ZNF577: variants seen among roughly 807,000 people sequenced by gnomAD.
The protein encoded by ZNF577 is zinc finger protein 577.
ZNF577 carries 14 observed loss-of-function variants against 13.9 expected under a neutral mutation model. That is an observed-to-expected ratio of 1.00 (90% CI 0.66 to 1.57). The LOEUF (loss-of-function observed/expected upper bound fraction) is 1.57, where lower values mean the gene tolerates loss of function less well. Among genes scored for constraint, ZNF577 ranks in the 40% most tolerant of loss-of-function variants. The probability of loss-of-function intolerance (pLI) is 0.00; values close to 1 mark genes in which losing one functional copy is unlikely to be tolerated. For synonymous variants in ZNF577, 203 were observed against 202.9 expected (o/e 1.00, Z 0.00); for missense variants, 555 against 579.2 (o/e 0.96, Z 0.43).
At chr19:51,861,909 TTC>T (rs1213177242) in intron 5 of ZNF577, 1 of 152,278 alleles carries the variant, frequency 6.6e-6, no homozygotes, top group Non-Finnish European at 1.5e-5. Flanking sequence ...CCTGTATAGG[TTC>T]TCTGTTATAT....
Position 51,824,997 on chromosome 19 carries a change from C to A in ZNF577, c.*600-13323G>T. On this transcript the variant is annotated intron_variant and NMD_transcript_variant, in intron 9 of 10. Transcript: ENST00000638827. The surrounding 1 kb of genome is among the most constrained non-coding windows in gnomAD (Gnocchi z 4.7). ...CAATAGACACCAGCTGGGTGTCCTA[C>A]AATTAAATTCCAACACTATCTACCT... 1 of 587,404 alleles carries A rather than the reference C, an allele frequency of 1.7e-6. No individual in the cohort carries two copies. The highest frequency in any genetic ancestry group is 3.1e-6 in the Non-Finnish European group (1 of 324,770). 36.4% of individuals were successfully genotyped at this position (587,404 alleles called of 1,614,324 possible).
At position 51,835,700 on chromosome 19, in the gene ZNF577, T is replaced by C. The variant is rs560373482; in HGVS notation, c.*599+4193A>G. 3.3e-5 allele frequency among the ~76,000 whole-genome samples: 5 copies of C among 152,218 alleles called. No individual in the cohort carries two copies. In the East Asian group the frequency reaches 5.8e-4, roughly 18 times the overall value. On this transcript the variant is annotated intron_variant and NMD_transcript_variant, in intron 9 of 10. Transcript: ENST00000638827. ...CATGGCCAGACATAACTGAAATCAG[T>C]ATCTTTTTTTTTGAGACAGTCTTGC...
At chr19:51,823,998 TCA>T (rs2084211171) in intron 9 of ZNF577, 2 of 1,614,032 alleles carry the variant, frequency 1.2e-6, no homozygotes, top group African/African-American at 1.3e-5. Context: ...CCGAATGGTC[TCA>T]GTCGCCATGA....
rs150301895 is a variant in ZNF577 at position 51,877,353 on chromosome 19, G to A, written c.212C>T (p.Ser71Leu). Residue 71 changes from serine (S) to leucine (L), a missense_variant, in exon 5 of 6, where the codon TCG becomes TTG. Coordinates refer to ENST00000638348, the MANE Select transcript of ZNF577 (RefSeq NM_001370449.1). ...TTCTCCTTGCTCCAACTTGAAGAGC[G>A]AATCTGGCTTGGTGCCTCGATACCC... Reference protein sequence around the residue: ...SIGYRGTKPDSLFKLEQGEPP... With the variant: ...SIGYRGTKPDLLFKLEQGEPP... 2.4e-5 allele frequency: 38 copies of A among 1,614,084 alleles called. No homozygotes were observed. The highest frequency in any genetic ancestry group is 1.3e-4 in the African/African-American group (10 of 75,032).
rs537378162 is a variant in ZNF577 at position 51,846,480 on chromosome 19, G to A, written c.284-1549C>T. Among the ~76,000 whole-genome samples the A allele has an allele frequency of 2.1e-4, 32 of 152,146 alleles. 1 individual carries two copies. The South Asian group carries it at 5.0e-3, about 24-fold the overall frequency. On this transcript the variant is annotated intron_variant and NMD_transcript_variant, in intron 5 of 10. Transcript: ENST00000638827. ...GCCAACTCTTTGGGAGGCCGAGGCC[G>A]GTGGATCACTTGAGGCCAGGAGTTT...
intron 9 of ZNF577, among the ~76,000 whole-genome samples, chr19:51,828,784 G>A (rs1452408211): frequency 2.0e-5 from 3 of 152,074 alleles, no homozygotes; most frequent in Admixed American, 6.5e-5. Context: ...TAGATTTTTT[G>A]TTGCTTTGTG....
At chr19:51,823,652 G>A (rs1479749909) in intron 9 of ZNF577, 29 of 1,023,338 alleles carry the variant, frequency 2.8e-5, no homozygotes, top group Non-Finnish European at 3.7e-5. Flanking sequence ...CTGCTGGTAG[G>A]AGGAGGAGCT....
At chr19:51,835,839 C>A (rs770370968) in intron 9 of ZNF577, among the ~76,000 whole-genome samples, 1 of 152,102 alleles carries the variant, frequency 6.6e-6, no homozygotes, top group African/African-American at 2.4e-5. Flanking sequence ...ATCACAGATG[C>A]CTGCCACCAC....
rs1249618431 is a variant in ZNF577 at position 51,868,315 on chromosome 19, G to A, written c.*4217C>T. Among the ~76,000 whole-genome samples, 1 of 152,120 alleles carries A rather than the reference G, an allele frequency of 6.6e-6. No individual in the cohort carries two copies. The highest frequency in any genetic ancestry group is 2.4e-5 in the African/African-American group (1 of 41,416). On this transcript the variant is annotated 3_prime_UTR_variant, in exon 6 of 6. Coordinates refer to ENST00000638348, the MANE Select transcript of ZNF577 (RefSeq NM_001370449.1). ...CACAGACACCTACACACCTAAAAAA[G>A]TTTCATCTGGGGTGTAAAAGGAGAA...
chr19:51,870,405 T>C lies in ZNF577; in HGVS notation c.*2127A>G, dbSNP rs574704062. ...TGGAAAGTATGGCCTTTTCATGGCT[T>C]GCATGTATGCTTTGTGAGGAGAGTT... On this transcript the variant is annotated 3_prime_UTR_variant, in exon 6 of 6. Transcript: ENST00000638348. Among the ~76,000 whole-genome samples, 1 of 152,350 alleles carries C rather than the reference T, an allele frequency of 6.6e-6. No individual in the cohort carries two copies. Among genetic ancestry groups the C allele is most frequent in the South Asian group, 2.1e-4 (1 of 4,822 alleles).
chr19:51,810,022 C>A (rs1157306272), intron 10 of ZNF577, among the ~76,000 whole-genome samples: 1 of 152,134 alleles, frequency 6.6e-6, no homozygotes, highest in African/African-American at 2.4e-5. Flanking sequence ...AAAGTCCTGG[C>A]ATTTTTTCCA....
At chr19:51,822,501 G>A (rs1281610842) in intron 9 of ZNF577, among the ~76,000 whole-genome samples, 1 of 152,148 alleles carries the variant, frequency 6.6e-6, no homozygotes, top group Non-Finnish European at 1.5e-5. Flanking sequence ...GGGCTTAGAA[G>A]TCAGACTAAG....
At chr19:51,879,105 A>C (rs1241449201) in intron 3 of ZNF577, among the ~76,000 whole-genome samples, 1 of 151,986 alleles carries the variant, frequency 6.6e-6, no homozygotes, top group Non-Finnish European at 1.5e-5. Context: ...AAAATACAAA[A>C]AATTAGCTGG....
At chr19:51,857,698 G>A (rs969540581) in intron 5 of ZNF577, among the ~76,000 whole-genome samples, 1 of 152,138 alleles carries the variant, frequency 6.6e-6, no homozygotes, top group African/African-American at 2.4e-5. Flanking sequence ...CTGCTCAAGT[G>A]GCAAGTGACT....
At chr19:51,858,603 C>T (rs988691977) in intron 5 of ZNF577, among the ~76,000 whole-genome samples, 1 of 152,106 alleles carries the variant, frequency 6.6e-6, no homozygotes, top group Non-Finnish European at 1.5e-5. Context: ...AAAAAATAAG[C>T]AAGATTTTGC....
At chr19:51,806,933 A>T (rs1225686647) in intron 10 of ZNF577, among the ~76,000 whole-genome samples, 1 of 152,240 alleles carries the variant, frequency 6.6e-6, no homozygotes, top group Non-Finnish European at 1.5e-5. Context: ...GTGTAAGTTG[A>T]TAGGTAGCAA....
intron 5 of ZNF577, among the ~76,000 whole-genome samples, chr19:51,858,147 G>A (rs564308299): frequency 6.6e-6 from 1 of 152,274 alleles, no homozygotes; most frequent in South Asian, 2.1e-4. Flanking sequence ...TCAGCCCATG[G>A]AATTATACAA....
At chr19:51,806,377 T>C (rs919333854) in intron 10 of ZNF577, among the ~76,000 whole-genome samples, 3 of 152,222 alleles carry the variant, frequency 2.0e-5, no homozygotes, top group Non-Finnish European at 4.4e-5. Flanking sequence ...CTTCTGGGGA[T>C]TTCCATAACA....
chr19:51,861,032 C>T, intron 5 of ZNF577: 1 of 403,280 alleles, frequency 2.5e-6, no homozygotes, highest in Admixed American at 3.4e-5. Flanking sequence ...ATTACATCCA[C>T]TGGTGCTGCC....
Sources: allele counts gnomAD v4.1 joint callset (sites outside exome capture counted in the v4.1 genomes callset), GRCh38; gene constraint gnomAD v4.1.1; non-coding constraint Gnocchi (gnomAD v3.1); transcripts MANE v1.5; gene names NCBI Gene and HGNC (gene_info 2026-07-23, HGNC 2026-07-21).